ERO1B: variants seen among roughly 807,000 people sequenced by gnomAD.
ERO1B encodes endoplasmic reticulum oxidoreductase 1 beta, also known as ERO1-like protein beta.
ERO1B carries 49 observed loss-of-function variants against 75.3 expected under a neutral mutation model. The ratio of observed to expected loss-of-function variants is 0.65; its 90% confidence interval spans 0.52 to 0.83. ERO1B has a LOEUF of 0.83. ERO1B is among the 40% of genes least tolerant of loss of function. The pLI is 0.00. For synonymous variants in ERO1B, 191 were observed against 192.9 expected (o/e 0.99, Z 0.08); for missense variants, 512 against 560.1 (o/e 0.91, Z 0.87).
chr1:236,281,845 C>A lies in ERO1B; in HGVS notation c.-62G>T. Reference sequence around the variant, plus strand: ...TCGGGGCCGGGGAACGACGGGCGGCCCAGGCGACGACCCAAGGGGACGGTT... The same window carrying A: ...TCGGGGCCGGGGAACGACGGGCGGCACAGGCGACGACCCAAGGGGACGGTT... On this transcript the variant is annotated 5_prime_UTR_variant, in exon 1 of 16. Transcript: ENST00000354619. 2.4e-6 allele frequency: 3 copies of A among 1,265,572 alleles called. No individual in the cohort carries two copies. The highest frequency in any genetic ancestry group is 3.7e-5 in the South Asian group (2 of 53,724). 78.4% of individuals were successfully genotyped at this position (1,265,572 alleles called of 1,614,324 possible).
rs1487494162 is a variant in ERO1B at position 236,278,567 on chromosome 1, C to T, written c.102+3115G>A. 3.3e-5 allele frequency among the ~76,000 whole-genome samples: 5 copies of T among 152,020 alleles called. No individual in the cohort carries two copies. In the East Asian group the frequency reaches 9.7e-4, roughly 30 times the overall value. ...CTCAGAGTAACGGACTGGTATAGCA[C>T]TATTTAAGTTCTAAGTTTCTGGCTT... On this transcript the variant is annotated intron_variant, in intron 1 of 15. Coordinates refer to ENST00000354619, the MANE Select transcript of ERO1B (RefSeq NM_019891.4).
chr1:236,255,102 CTT>C (rs879908403), intron 2 of ERO1B, among the ~76,000 whole-genome samples: 3 of 84,620 alleles, frequency 3.5e-5, no homozygotes, highest in Admixed American at 1.3e-4. Flanking sequence ...TTTTTTCTTT[CTT>C]TTTTTTTTTT....
chr1:236,237,144 G>A (rs1664565832), intron 6 of ERO1B, among the ~76,000 whole-genome samples: 1 of 138,928 alleles, frequency 7.2e-6, no homozygotes, highest in Non-Finnish European at 1.5e-5. Context: ...TTTTGAGACG[G>A]AGTCTCACTC....
In ERO1B at chr1:236,227,941, GT is replaced by G. The variant is rs571307722; in HGVS notation, c.713-1203del. On this transcript the variant is annotated intron_variant, in intron 10 of 15. Transcript: ENST00000354619. Reference sequence around the variant, plus strand: ...CTAAAAGTATATGACAATTTTGAATGTTTACGATAACAATGGATACAAACAA... The same window carrying G: ...CTAAAAGTATATGACAATTTTGAATGTTACGATAACAATGGATACAAACAA... Among the ~76,000 whole-genome samples the G allele has an allele frequency of 4.4e-3, 674 of 152,252 alleles. 5 individuals are homozygous for G. The highest frequency in any genetic ancestry group is 0.015 in the African/African-American group (626 of 41,544).
At chr1:236,251,327 C>T (rs1233758936) in intron 4 of ERO1B, 1 of 166,350 alleles carries the variant, frequency 6.0e-6, no homozygotes, top group Non-Finnish European at 1.2e-5. Context: ...TCACAGGATA[C>T]TTCAGAAAAA....
At chr1:236,274,612 G>A (rs372549356) in intron 1 of ERO1B, among the ~76,000 whole-genome samples, 2 of 151,832 alleles carry the variant, frequency 1.3e-5, no homozygotes, top group Non-Finnish European at 2.9e-5. Flanking sequence ...TTATCCCATT[G>A]TCTCTTTAGA....
At chr1:236,240,990 C>T (rs1481139999) in intron 6 of ERO1B, among the ~76,000 whole-genome samples, 1 of 151,804 alleles carries the variant, frequency 6.6e-6, no homozygotes, top group Admixed American at 6.6e-5. Context: ...ACAGTAACAA[C>T]AACAACAAAA....
chr1:236,239,911 A>ATATTTTTTTTT (rs1553371310), intron 6 of ERO1B, among the ~76,000 whole-genome samples: 2 of 106,960 alleles, frequency 1.9e-5, no homozygotes, highest in Admixed American at 1.1e-4. Flanking sequence ...ATATATATAT[A>ATATTTTTTTTT]TTTTTTTTTT....
intron 2 of ERO1B, among the ~76,000 whole-genome samples, chr1:236,255,226 GC>G (rs1329031669): frequency 6.6e-6 from 1 of 151,878 alleles, no homozygotes; most frequent in Non-Finnish European, 1.5e-5. Context: ...GAGCCACCAT[GC>G]CCGGCCTCAA....
intron 13 of ERO1B, among the ~76,000 whole-genome samples, chr1:236,223,202 CAAAAAAAA>C (rs11322079): frequency 2.5e-5 from 2 of 80,928 alleles, no homozygotes; most frequent in African/African-American, 4.8e-5. Flanking sequence ...AACTCTGTCT[CAAAAAAAA>C]AAAAAAAAAA....
chr1:236,258,642 C>T (rs910410653), intron 2 of ERO1B, among the ~76,000 whole-genome samples: 3 of 152,110 alleles, frequency 2.0e-5, no homozygotes, highest in African/African-American at 7.2e-5. Flanking sequence ...ATCCCAACAA[C>T]TTGGGAGGCC....
intron 2 of ERO1B, among the ~76,000 whole-genome samples, chr1:236,257,557 C>T (rs1195733941): frequency 1.1e-5 from 1 of 90,418 alleles, no homozygotes; most frequent in Non-Finnish European, 2.2e-5. Flanking sequence ...GGGAAATATG[C>T]TCCAAAAAAA....
At position 236,236,368 on chromosome 1, in the gene ERO1B, TCTA is replaced by T. The variant is rs749384157; in HGVS notation, c.533_535del (p.Val178del). On this transcript the variant is annotated inframe_deletion, in exon 7 of 16. Transcript: ENST00000354619. ...GTAACGCTCTGGGTTCAGCAATAGG[TCTA>T]CATACTGAGCAGCTGGAGATCTCTC... 6.2e-7 allele frequency: 1 copy of T among 1,613,800 alleles called. No homozygotes were observed. The highest frequency in any genetic ancestry group is 1.7e-5 in the Admixed American group (1 of 59,978).
At position 236,242,447 on chromosome 1, in the gene ERO1B, C is replaced by G. The variant is rs551708560; in HGVS notation, c.505+975G>C. Among the ~76,000 whole-genome samples, 6 of 152,216 alleles carry G rather than the reference C, an allele frequency of 3.9e-5. No individual in the cohort carries two copies. In the East Asian group the frequency reaches 9.7e-4, roughly 24 times the overall value. ...TTAATTACCCCTTAGTATAACCTCA[C>G]TCAGATTCCTTTAAAATTTCCTTAC... On this transcript the variant is annotated intron_variant, in intron 6 of 15. Transcript: ENST00000354619.
At chr1:236,220,778 G>A (rs1052451939) in intron 15 of ERO1B, 54 bp downstream of exon 15, 2 of 1,456,346 alleles carry the variant, frequency 1.4e-6, no homozygotes, top group Non-Finnish European at 1.8e-6. Flanking sequence ...TATCTTTGCA[G>A]TTTGTTGAAA....
In ERO1B at chr1:236,217,934, G is replaced by A. The variant is rs1287161732; in HGVS notation, c.*582C>T. On this transcript the variant is annotated 3_prime_UTR_variant, in exon 16 of 16. Transcript: ENST00000354619. ...AAAACCAATGAAATTGAAGTCCTGGGGAATCTTCAGGAATTTCTGTAACTA... is the reference window on the plus strand; with the variant it reads ...AAAACCAATGAAATTGAAGTCCTGGAGAATCTTCAGGAATTTCTGTAACTA... The A allele has an allele frequency of 1.3e-5, 2 of 152,020 alleles. No individual in the cohort carries two copies. The highest frequency in any genetic ancestry group is 2.9e-5 in the Non-Finnish European group (2 of 67,972). 9.4% of individuals were successfully genotyped at this position (152,020 alleles called of 1,614,324 possible).
chr1:236,242,617 G>A (rs2695059), intron 6 of ERO1B, among the ~76,000 whole-genome samples: 37,728 of 151,596 alleles, frequency 0.25, 4,842 homozygotes, highest in East Asian at 0.38. Flanking sequence ...TAAAACTTTA[G>A]AAAGCAGAGC....
At chr1:236,268,849 G>A (rs1025874878) in intron 2 of ERO1B, among the ~76,000 whole-genome samples, 3 of 152,076 alleles carry the variant, frequency 2.0e-5, no homozygotes, top group Non-Finnish European at 2.9e-5. Flanking sequence ...TCGCGCCACT[G>A]CACTCCAGCC....
chr1:236,221,183 G>A (rs1664130168), intron 14 of ERO1B, among the ~76,000 whole-genome samples: 2 of 152,036 alleles, frequency 1.3e-5, no homozygotes, highest in South Asian at 4.1e-4. Flanking sequence ...AACACTTATT[G>A]AATACATATC....
Sources: gnomAD v4.1 joint callset for allele counts (sites outside exome capture counted in the v4.1 genomes callset) on GRCh38, gnomAD v4.1.1 for gene constraint, MANE v1.5 for transcripts, NCBI Gene and HGNC (gene_info 2026-07-23, HGNC 2026-07-21) for gene names.